Variants in YTHDC1 observed in about 807,000 individuals in gnomAD.
YTHDC1 encodes the protein YTH N6-methyladenosine RNA binding protein C1.
YTHDC1 carries 12 observed loss-of-function variants against 107.0 expected under a neutral mutation model. The observed-to-expected ratio is 0.11, with a 90% CI of 0.07 to 0.18. The LOEUF (loss-of-function observed/expected upper bound fraction) is 0.18, where lower values mean the gene tolerates loss of function less well. Ranked by LOEUF, YTHDC1 falls within the 10% of genes least tolerant of loss-of-function variation. The pLI, the probability that YTHDC1 is intolerant of heterozygous loss-of-function variation, is 1.00. For synonymous variants in YTHDC1, 280 were observed against 289.5 expected (o/e 0.97, Z 0.33); for missense variants, 635 against 898.8 (o/e 0.71, Z 3.75).
intron 1 of YTHDC1, among the ~76,000 whole-genome samples, 198 bp downstream of exon 1, chr4:68,349,528 G>A (rs546080834): frequency 8.5e-4 from 129 of 151,886 alleles, no homozygotes; most frequent in African/African-American, 3.0e-3. Flanking sequence ...GAAGTGCTAG[G>A]CCATATGGAG....
intron 1 of YTHDC1, 76 bp downstream of exon 1, chr4:68,349,650 A>AC: frequency 5.4e-6 from 1 of 185,292 alleles, no homozygotes; most frequent in Non-Finnish European, 1.1e-5. Context: ...CCCCACCCCC[A>AC]ACGACGACCA....
chr4:68,340,282 CAG>C lies in YTHDC1; in HGVS notation c.29-1900_29-1899del, dbSNP rs1431370074. Among the ~76,000 whole-genome samples the C allele has an allele frequency of 8.5e-5, 13 of 152,186 alleles. No homozygotes were observed. The East Asian group carries it at 2.5e-3, about 29-fold the overall frequency. On this transcript the variant is annotated intron_variant, in intron 1 of 16. Transcript: ENST00000344157. ...TATCATTTTCCTTTACATTTGGAAA[CAG>C]ACACAATCTAAAGATATCTGAAAAT...
chr4:68,345,301 T>C (rs912270630), intron 1 of YTHDC1, among the ~76,000 whole-genome samples: 2 of 152,182 alleles, frequency 1.3e-5, no homozygotes, highest in Admixed American at 6.5e-5. Flanking sequence ...GTGCTATTTA[T>C]TAACATGTGA....
chr4:68,345,606 T>C (rs754644567), intron 1 of YTHDC1, among the ~76,000 whole-genome samples: 9 of 152,164 alleles, frequency 5.9e-5, no homozygotes, highest in Admixed American at 1.3e-4. Flanking sequence ...TATAAAAACA[T>C]ACAATTTAAG....
chr4:68,313,621 G>T lies in YTHDC1; in HGVS notation c.*478C>A, dbSNP rs1721489978. On this transcript the variant is annotated 3_prime_UTR_variant, in exon 17 of 17. Coordinates refer to ENST00000344157, the MANE Select transcript of YTHDC1 (RefSeq NM_001031732.4). ...GAGGCAATGGGGAAAAAAACAAGAG[G>T]CTGCTACAACACTGCCATACAGTCA... is the stretch of plus-strand genomic sequence containing the variant. 1.3e-5 allele frequency: 2 copies of T among 153,018 alleles called. No homozygotes were observed. Among genetic ancestry groups the T allele is most frequent in the African/African-American group, 2.4e-5 (1 of 41,252 alleles). The allele number at this position is 153,018 out of a possible 1,614,324, so 9.5% of individuals were successfully genotyped here.
chr4:68,348,704 G>A (rs1725719944), intron 1 of YTHDC1, among the ~76,000 whole-genome samples: 2 of 152,006 alleles, frequency 1.3e-5, no homozygotes, highest in South Asian at 2.1e-4. Context: ...AGGATTACAC[G>A]CCTAATGTAA....
intron 9 of YTHDC1, among the ~76,000 whole-genome samples, chr4:68,328,025 G>C (rs1723184987): frequency 6.6e-6 from 1 of 152,180 alleles, no homozygotes; most frequent in Non-Finnish European, 1.5e-5. Flanking sequence ...AATTGAGTCT[G>C]TCTACCTCTT....
At chr4:68,349,625 T>TCCCCCG in intron 1 of YTHDC1, 101 bp downstream of exon 1, 1 of 402,658 alleles carries the variant, frequency 2.5e-6, no homozygotes, top group Non-Finnish European at 4.9e-6. Context: ...CCAGCTAACC[T>TCCCCCG]CCCCAACCCC....
At position 68,337,309 on chromosome 4, in the gene YTHDC1, C is replaced by T. The variant is rs769954263; in HGVS notation, c.601G>A (p.Glu201Lys). The T allele has an allele frequency of 6.2e-7, 1 of 1,614,024 alleles. No homozygotes were observed. Among genetic ancestry groups the T allele is most frequent in the Non-Finnish European group, 8.5e-7 (1 of 1,179,992 alleles). ...SDEQGNNTENEEEGVEEDVEE... is the reference protein window; with the variant it reads ...SDEQGNNTENKEEGVEEDVEE... ...ACATCTTCTTCCACTCCTTCCTCCTCATTCTCAGTGTTGTTCCCTTGCTCA... is the reference window on the plus strand; with the variant it reads ...ACATCTTCTTCCACTCCTTCCTCCTTATTCTCAGTGTTGTTCCCTTGCTCA... Residue 201 changes from glutamate to lysine, a missense_variant, in exon 4 of 17, where the codon GAG (glutamate) becomes AAG (lysine). By Grantham distance (56) the Glu-to-Lys change is moderately conservative (BLOSUM62 1). Around this residue, in one of 5 missense-constraint regions of YTHDC1, gnomAD observed 294 missense variants for 312.3 expected, o/e 0.94. Coordinates refer to ENST00000344157, the MANE Select transcript of YTHDC1 (RefSeq NM_001031732.4).
chr4:68,325,089 T>C (rs530555824), intron 9 of YTHDC1, among the ~76,000 whole-genome samples: 3 of 152,122 alleles, frequency 2.0e-5, no homozygotes, highest in South Asian at 2.1e-4. Context: ...CCAAAATAAA[T>C]AAACACTTTA....
intron 4 of YTHDC1, among the ~76,000 whole-genome samples, chr4:68,333,941 A>C (rs749634861): frequency 2.0e-5 from 3 of 152,080 alleles, no homozygotes; most frequent in Non-Finnish European, 4.4e-5. Flanking sequence ...CTTCTATTTC[A>C]TTCTCCTTAG....
Position 68,312,520 on chromosome 4 carries a change from C to CT in YTHDC1, c.*1578dup, listed in dbSNP as rs1216906846. ...TAGAACCCAGGTTTCCTTAAAAGTA[C>CT]TTTTTCCTCTCTACCACAATGCAGA... On this transcript the variant is annotated 3_prime_UTR_variant, in exon 17 of 17. Coordinates refer to ENST00000344157, the MANE Select transcript of YTHDC1 (RefSeq NM_001031732.4). 3.3e-5 allele frequency: 5 copies of CT among 152,182 alleles called. No homozygotes were observed. Among genetic ancestry groups the CT allele is most frequent in the African/African-American group, 1.2e-4 (5 of 41,454 alleles). 9.4% of individuals were successfully genotyped at this position (152,182 alleles called of 1,614,324 possible). A position where few individuals can be genotyped will look rare whatever the true frequency, so the allele number is the denominator to read the frequency against.
chr4:68,328,278 GTTACA>G (rs1230933040), intron 9 of YTHDC1, among the ~76,000 whole-genome samples: 1 of 152,126 alleles, frequency 6.6e-6, no homozygotes, highest in Non-Finnish European at 1.5e-5. Context: ...CTGCAAATAT[GTTACA>G]TTACAACGTT....
At chr4:68,318,625 C>T (rs753778495) in intron 14 of YTHDC1, 44 bp from the exon 15 acceptor site, 3 of 1,606,236 alleles carry the variant, frequency 1.9e-6, no homozygotes, top group South Asian at 1.1e-5. Flanking sequence ...AAAATTATCA[C>T]AGAACTGCAA....
At position 68,314,121 on chromosome 4, in the gene YTHDC1, T is replaced by TCCCCTC. The variant is rs1404832836; in HGVS notation, c.2156_2161dup (p.Gly720_Glu721insGlyGly). ...CCATTATCTTCTATATCGACCTCTCTCCCCTCGGTCTCTGTCTCGATCACA... is the reference window on the plus strand; with the variant it reads ...CCATTATCTTCTATATCGACCTCTCTCCCCTCCCCCTCGGTCTCTGTCTCGATCACA... On this transcript the variant is annotated inframe_insertion, in exon 17 of 17. Coordinates refer to ENST00000344157, the MANE Select transcript of YTHDC1 (RefSeq NM_001031732.4). 3.1e-6 allele frequency: 5 copies of TCCCCTC among 1,614,098 alleles called. 1 individual carries two copies. In the South Asian group the frequency reaches 5.5e-5, roughly 18 times the overall value.
chr4:68,331,140 A>G (rs1345624713), intron 7 of YTHDC1, among the ~76,000 whole-genome samples: 3 of 152,284 alleles, frequency 2.0e-5, no homozygotes, highest in Non-Finnish European at 4.4e-5. Context: ...TAGAATACTT[A>G]TACCTAATAC....
chr4:68,327,477 C>T (rs866101875), intron 9 of YTHDC1, among the ~76,000 whole-genome samples: 102 of 152,222 alleles, frequency 6.7e-4, no homozygotes, highest in African/African-American at 2.4e-3. Context: ...TTCCATGTGC[C>T]TACCAACTAC....
At position 68,322,562 on chromosome 4, in the gene YTHDC1, T is replaced by C. The variant is rs1722550620; in HGVS notation, c.1601+187A>G. 1.5e-6 allele frequency: 1 copy of C among 654,790 alleles called. No individual in the cohort carries two copies. Among genetic ancestry groups the C allele is most frequent in the Non-Finnish European group, 2.5e-6 (1 of 405,484 alleles). 40.6% of individuals were successfully genotyped at this position (654,790 alleles called of 1,614,324 possible). On this transcript the variant is annotated intron_variant, in intron 11 of 16. Coordinates refer to ENST00000344157, the MANE Select transcript of YTHDC1 (RefSeq NM_001031732.4). This position sits in a 1 kb window ranked among gnomAD's most constrained non-coding sequence, Gnocchi z 4.8. The stretch of plus-strand genomic sequence containing the variant: ...ATAAGGAAAGATCCCCATTTTCCTC[T>C]TGAAAAATGACTGAGACCAAGGTGA...
intron 7 of YTHDC1, among the ~76,000 whole-genome samples, chr4:68,331,430 G>T (rs1723567736): frequency 6.6e-6 from 1 of 152,074 alleles, no homozygotes; most frequent in Non-Finnish European, 1.5e-5. Context: ...TATCATTAGA[G>T]AAATGTCTAA....
Sources: gnomAD v4.1 joint callset for allele counts (sites outside exome capture counted in the v4.1 genomes callset) on GRCh38, gnomAD v4.1.1 for gene constraint, gnomAD v4.1.1 regional missense constraint, Gnocchi (gnomAD v3.1) non-coding constraint, MANE v1.5 for transcripts, NCBI Gene and HGNC (gene_info 2026-07-23, HGNC 2026-07-21) for gene names.